MLH3: variants seen among roughly 807,000 people sequenced by gnomAD.
The protein encoded by MLH3 is mutL homolog 3.
In MLH3, 82 loss-of-function variants were observed where a neutral mutation model predicts 122.2. The observed-to-expected ratio is 0.67, with a 90% CI of 0.56 to 0.81. The LOEUF is 0.81. Among genes scored for constraint, MLH3 ranks in the 30% least tolerant of loss-of-function variants. MLH3 has a pLI of 0.00. For missense variants in MLH3, 1,539 were observed against 1,714.5 expected, an observed-to-expected ratio of 0.90 and a Z score of 1.81; for synonymous variants, 524 against 599.5, an observed-to-expected ratio of 0.87 and a Z score of 1.84.
At chr14:75,034,064 G>A (rs576812574) in intron 6 of MLH3, among the ~76,000 whole-genome samples, 44 of 151,998 alleles carry the variant, frequency 2.9e-4, no homozygotes, top group African/African-American at 1.1e-3. Flanking sequence ...GTGGTGGCAC[G>A]CGCCTGTAGT....
intron 9 of MLH3, among the ~76,000 whole-genome samples, chr14:75,026,248 T>C (rs186557996): frequency 2.2e-4 from 34 of 151,848 alleles, no homozygotes; most frequent in Middle Eastern, 3.4e-3. Context: ...AAGCTACTGA[T>C]AAAGGAGAAG....
chr14:75,045,677 G>A (rs1372054225), intron 2 of MLH3, among the ~76,000 whole-genome samples: 6 of 152,120 alleles, frequency 3.9e-5, no homozygotes, highest in Admixed American at 2.6e-4. Context: ...GGAAAGCTGG[G>A]CATTTAACAG....
chr14:75,051,136 G>T (rs529548610), intron 1 of MLH3: 1 of 152,232 alleles, frequency 6.6e-6, no homozygotes, highest in African/African-American at 2.4e-5. Flanking sequence ...TCCAGGGCAC[G>T]GGGGCCTGGG....
Position 75,048,542 on chromosome 14 carries a change from T to C in MLH3, c.1114A>G (p.Ser372Gly). 1.2e-6 allele frequency: 2 copies of C among 1,613,140 alleles called. No individual in the cohort carries two copies. The highest frequency in any genetic ancestry group is 1.7e-6 in the Non-Finnish European group (2 of 1,179,666). Reference sequence around the variant, plus strand: ...TTCTGAAGAGTAGCATCAAATAAACTAAAACCATTATCTTCACTAAATTCC... The same window carrying C: ...TTCTGAAGAGTAGCATCAAATAAACCAAAACCATTATCTTCACTAAATTCC... The part of the protein sequence containing the change: ...IKEFSEDNGF[S>G]LFDATLQKRV... Residue 372 changes from serine (S) to glycine (G), a missense_variant, in exon 2 of 13, where the codon AGT becomes GGT. By Grantham distance (56) the Ser-to-Gly change is moderately conservative. Transcript: ENST00000355774.
intron 6 of MLH3, 77 bp from the exon 7 acceptor site, chr14:75,033,567 CTT>C: frequency 9.1e-7 from 1 of 1,098,104 alleles, no homozygotes. Context: ...ACAGAGAAGA[CTT>C]AATTCAAACT....
chr14:75,039,155 C>A (rs1261367568), intron 5 of MLH3, among the ~76,000 whole-genome samples: 1 of 152,202 alleles, frequency 6.6e-6, no homozygotes, highest in Non-Finnish European at 1.5e-5. Context: ...GCGCGCCCGG[C>A]TGCTAGTCTA....
At chr14:75,046,350 C>A in intron 2 of MLH3, 26 bp downstream of exon 2, 2 of 1,612,786 alleles carry the variant, frequency 1.2e-6, no homozygotes, top group South Asian at 2.2e-5. Flanking sequence ...AAAAGCATCT[C>A]ATGCACATGA....
chr14:75,044,277 T>C (rs1313316193), intron 2 of MLH3, among the ~76,000 whole-genome samples: 1 of 152,228 alleles, frequency 6.6e-6, no homozygotes, highest in African/African-American at 2.4e-5. Context: ...TCAGTTAACA[T>C]GACCCTCAAA....
chr14:75,039,846 CATATATATATATATAT>C lies in MLH3; in HGVS notation c.3570+49_3570+64del, dbSNP rs145063005. On this transcript the variant is annotated intron_variant, in intron 5 of 12. Coordinates refer to ENST00000355774, the MANE Select transcript of MLH3 (RefSeq NM_001040108.2). ...AAATCAAATTTTAGAAGAGTTAGGCCATATATATATATATATATATATATATATATATATATTTATG... is the reference window on the plus strand; with the variant it reads ...AAATCAAATTTTAGAAGAGTTAGGCCATATATATATATATATATATTTATG... 181,505 of 321,510 alleles carry C rather than the reference CATATATATATATATAT, an allele frequency of 0.56. 33,518 individuals are homozygous for C. Among genetic ancestry groups the C allele is most frequent in the Middle Eastern group, 0.6 (987 of 1,636 alleles). The allele number at this position is 321,510 out of a possible 1,614,324, so 19.9% of individuals were successfully genotyped here. A position where few individuals can be genotyped will look rare whatever the true frequency, so the allele number is the denominator to read the frequency against.
At chr14:75,031,331 A>T (rs1200744440) in intron 8 of MLH3, among the ~76,000 whole-genome samples, 1 of 152,210 alleles carries the variant, frequency 6.6e-6, no homozygotes, top group African/African-American at 2.4e-5. Context: ...TATGATTACG[A>T]TAATGAAAAC....
At chr14:75,027,041 G>C (rs1890672306) in intron 9 of MLH3, among the ~76,000 whole-genome samples, 1 of 152,002 alleles carries the variant, frequency 6.6e-6, no homozygotes, top group African/African-American at 2.4e-5. Context: ...GGAGGTTGCA[G>C]TGAGCTGAGA....
chr14:75,046,620 G>A lies in MLH3; in HGVS notation c.3036C>T (p.Ala1012=), dbSNP rs1320426705. The change falls in exon 2 of 13, where the codon GCC becomes GCT. Residue 1012 remains alanine, a synonymous_variant. Transcript: ENST00000355774. The part of the protein sequence containing the change: ...SGMLMNPVED[A]TGDQNGICFQ... ...AACAAATTCCATTTTGGTCACCTGT[G>A]GCATCTTCTACCGGATTCATTAACA... 3 of 1,614,006 alleles carry A rather than the reference G, an allele frequency of 1.9e-6. No individual in the cohort carries two copies. The highest frequency in any genetic ancestry group is 2.5e-6 in the Non-Finnish European group (3 of 1,180,022).
chr14:75,046,244 CAT>C (rs1240527660), intron 2 of MLH3, 130 bp downstream of exon 2: 9 of 831,764 alleles, frequency 1.1e-5, no homozygotes, highest in South Asian at 1.5e-5. Context: ...GAAAATACAA[CAT>C]ATGTTTTATA....
At position 75,016,073 on chromosome 14, in the gene MLH3, A is replaced by G; in HGVS notation, c.*1009T>C. Reference sequence around the variant, plus strand: ...AGTCCTATTAACCACAAATCATGTGAAAAGGTGCGGGAAAAATAGATTGAG... The same window carrying G: ...AGTCCTATTAACCACAAATCATGTGGAAAGGTGCGGGAAAAATAGATTGAG... On this transcript the variant is annotated 3_prime_UTR_variant, in exon 13 of 13. Transcript: ENST00000355774. The G allele has an allele frequency of 4.4e-6, 1 of 227,094 alleles. No individual in the cohort carries two copies. The highest frequency in any genetic ancestry group is 2.2e-5 in the African/African-American group (1 of 45,098). The allele number at this position is 227,094 out of a possible 1,614,324, so 14.1% of individuals were successfully genotyped here.
At chr14:75,017,722 A>C (rs1044577135) in intron 12 of MLH3, among the ~76,000 whole-genome samples, 1 of 152,246 alleles carries the variant, frequency 6.6e-6, no homozygotes, top group Non-Finnish European at 1.5e-5. Context: ...AACTTTCTTC[A>C]TATTTTTCTT....
rs147325766 is a variant in MLH3, at chr14:75,046,603, C to A, written c.3053G>T (p.Gly1018Val). Residue 1018 changes from glycine (G) to valine (V), a missense_variant, in exon 2 of 13, where the codon GGA (glycine) becomes GTA (valine). Physicochemically the swap from Gly to Val is moderately radical, Grantham distance 109. Transcript: ENST00000355774. ...PVEDATGDQN[G>V]ICFQSEESKA... ...AGATTCCTCACTCTGAAAACAAATT[C>A]CATTTTGGTCACCTGTGGCATCTTC... The A allele has an allele frequency of 5.6e-6, 9 of 1,614,194 alleles. No individual in the cohort carries two copies. Among genetic ancestry groups the A allele is most frequent in the Non-Finnish European group, 7.6e-6 (9 of 1,180,022 alleles).
chr14:75,020,765 T>G (rs1298126444), intron 11 of MLH3: 5 of 152,190 alleles, frequency 3.3e-5, no homozygotes, highest in African/African-American at 7.2e-5. Flanking sequence ...TCAATGGTGT[T>G]CGCTTTGGCA....
rs1890975536 is a variant in MLH3 at position 75,030,548 on chromosome 14, C to T, written c.3982G>A (p.Val1328Met). The T allele has an allele frequency of 1.2e-6, 2 of 1,613,930 alleles. No individual in the cohort carries two copies. Among genetic ancestry groups the T allele is most frequent in the Admixed American group, 1.7e-5 (1 of 60,002 alleles). ...CATCTGCAGCTGTGTCTTACCTCCACAATACTCTTGGTCACAGTAGATCTT... is the reference window on the plus strand; with the variant it reads ...CATCTGCAGCTGTGTCTTACCTCCATAATACTCTTGGTCACAGTAGATCTT... ...RGRSTVTKSI[V>M]EEFIREQLEL... The change falls in exon 9 of 13, where the codon GTG (valine) becomes ATG (methionine). Residue 1328 changes from valine (V) to methionine (M), a missense_variant. Coordinates refer to ENST00000355774, the MANE Select transcript of MLH3 (RefSeq NM_001040108.2).
rs534481510 is a variant in MLH3, at chr14:75,051,421, G to C, written c.-105C>G. The stretch of plus-strand genomic sequence containing the variant: ...CAAATTCTCCGACACCAACCGCCTC[G>C]GACGCCGACGCGCGCACCTTGGATC... On this transcript the variant is annotated 5_prime_UTR_variant, in exon 1 of 13. Coordinates refer to ENST00000355774, the MANE Select transcript of MLH3 (RefSeq NM_001040108.2). 1 of 152,360 alleles carries C rather than the reference G, an allele frequency of 6.6e-6. No homozygotes were observed. Among genetic ancestry groups the C allele is most frequent in the South Asian group, 2.1e-4 (1 of 4,832 alleles). 9.4% of individuals were successfully genotyped at this position (152,360 alleles called of 1,614,324 possible).
Sources: allele counts gnomAD v4.1 joint callset (sites outside exome capture counted in the v4.1 genomes callset), GRCh38; gene constraint gnomAD v4.1.1; transcripts MANE v1.5; gene names NCBI Gene and HGNC (gene_info 2026-07-23, HGNC 2026-07-21).